The following AGAP1 variants were observed in gnomAD, a reference collection of about 807,000 sequenced individuals.
The protein encoded by AGAP1 is arf-GAP with GTPase, ANK repeat and PH domain-containing protein 1.
AGAP1 carries 29 observed loss-of-function variants against 105.3 expected under a neutral mutation model. The ratio of observed to expected loss-of-function variants is 0.28; its 90% CI spans 0.21 to 0.38. AGAP1 has a LOEUF of 0.38. AGAP1 is among the 10% of genes least tolerant of loss of function. AGAP1 has a pLI of 1.00. For synonymous variants in AGAP1, 509 were observed against 485.9 expected, an observed-to-expected ratio of 1.05 and a Z score of -0.63; for missense variants, 998 against 1,165.1, an observed-to-expected ratio of 0.86 and a Z score of 2.09.
At chr2:235,765,715 G>C (rs769573283) in intron 6 of AGAP1, among the ~76,000 whole-genome samples, 5 of 152,194 alleles carry the variant, frequency 3.3e-5, no homozygotes, top group Non-Finnish European at 7.3e-5. Flanking sequence ...CCATAGTTCA[G>C]AGTGAATCTT....
chr2:235,852,499 A>G (rs1397904130), intron 9 of AGAP1, among the ~76,000 whole-genome samples: 1 of 152,194 alleles, frequency 6.6e-6, no homozygotes, highest in Non-Finnish European at 1.5e-5. Flanking sequence ...TGCGAGTACA[A>G]ATTGAAGCAA....
chr2:235,649,752 T>C (rs757660485), intron 1 of AGAP1, among the ~76,000 whole-genome samples: 14 of 152,338 alleles, frequency 9.2e-5, no homozygotes, highest in Admixed American at 2.6e-4. Flanking sequence ...AGCACTACGC[T>C]GTAGGTTCTA....
rs1946814859 is a variant in AGAP1 at position 235,631,069 on chromosome 2, CT to C, written c.164-78109del. Among the ~76,000 whole-genome samples the C allele has an allele frequency of 6.6e-6, 1 of 152,190 alleles. No homozygotes were observed. The highest frequency in any genetic ancestry group is 1.5e-5 in the Non-Finnish European group (1 of 68,036). On this transcript the variant is annotated intron_variant, in intron 1 of 17. Coordinates refer to ENST00000304032, the MANE Select transcript of AGAP1 (RefSeq NM_001037131.3). The surrounding 1 kb of genome is among the most constrained non-coding windows in gnomAD (Gnocchi z 5.4). ...AAAATATTTTGACAGGGCCCACAGT[CT>C]AGCTCCTTCATATGCAAATGCACTG...
rs1951805909 is a variant in AGAP1 at position 235,729,126 on chromosome 2, TA to T, written c.310+11483del. On this transcript the variant is annotated intron_variant, in intron 3 of 17. Coordinates refer to ENST00000304032, the MANE Select transcript of AGAP1 (RefSeq NM_001037131.3). The surrounding 1 kb of genome is among the most constrained non-coding windows in gnomAD (Gnocchi z 5.0). The stretch of plus-strand genomic sequence containing the variant: ...TTGGAGGGGGACCTAAGAGGACAGA[TA>T]GGGGAATCCCCAGGCCACCTCTGGA... Among the ~76,000 whole-genome samples the T allele has an allele frequency of 6.6e-6, 1 of 152,108 alleles. No homozygotes were observed. Among genetic ancestry groups the T allele is most frequent in the Non-Finnish European group, 1.5e-5 (1 of 68,020 alleles).
At chr2:235,915,922 G>T (rs1028124638) in intron 11 of AGAP1, among the ~76,000 whole-genome samples, 3 of 152,026 alleles carry the variant, frequency 2.0e-5, no homozygotes, top group African/African-American at 7.2e-5. Context: ...AAAAATAGGA[G>T]AACAACAAGG....
chr2:235,943,495 G>C (rs1283747707), intron 12 of AGAP1, among the ~76,000 whole-genome samples: 2 of 150,596 alleles, frequency 1.3e-5, no homozygotes, highest in Admixed American at 6.6e-5. Flanking sequence ...GATTACAGCC[G>C]CATGCCACTA....
chr2:235,677,139 C>G (rs1424864193), intron 1 of AGAP1, among the ~76,000 whole-genome samples: 1 of 152,206 alleles, frequency 6.6e-6, no homozygotes, highest in Non-Finnish European at 1.5e-5. Context: ...AAGACATGAA[C>G]GTAGCTGCTC....
At chr2:235,632,250 A>G (rs1420853090) in intron 1 of AGAP1, among the ~76,000 whole-genome samples, 2 of 152,194 alleles carry the variant, frequency 1.3e-5, no homozygotes, top group Non-Finnish European at 2.9e-5. Context: ...ATCTCCCACC[A>G]CCAGAGCAGT....
rs756031929 is a variant in AGAP1 at position 236,105,762 on chromosome 2, T to A, written c.2115-14430T>A. ...GCGCCCGCCACCATGCCCGGCTGAT[T>A]TTGTTTTTGTATTTTTAGTAGAGAC... On this transcript the variant is annotated intron_variant, in intron 16 of 17. Coordinates refer to ENST00000304032, the MANE Select transcript of AGAP1 (RefSeq NM_001037131.3). This position sits in a 1 kb window ranked among gnomAD's most constrained non-coding sequence, Gnocchi z 4.2. Among the ~76,000 whole-genome samples, 1 of 151,720 alleles carries A rather than the reference T, an allele frequency of 6.6e-6. No homozygotes were observed. Among genetic ancestry groups the A allele is most frequent in the Non-Finnish European group, 1.5e-5 (1 of 67,894 alleles).
chr2:235,563,112 GTC>G (rs570189184), intron 1 of AGAP1, among the ~76,000 whole-genome samples: 99 of 152,288 alleles, frequency 6.5e-4, no homozygotes, highest in African/African-American at 2.3e-3. Context: ...GCTGTGGGGA[GTC>G]TGCAAACAGG....
Position 235,744,864 on chromosome 2 carries a change from GTTTT to G in AGAP1, c.538+26_538+29del, listed in dbSNP as rs1325668086. ...GGTGAGTGATGTTCGTGTGCAGATT[GTTTT>G]GAAAGGGTTCTAACAGTTACATATT... On this transcript the variant is annotated intron_variant, in intron 5 of 17. Coordinates refer to ENST00000304032, the MANE Select transcript of AGAP1 (RefSeq NM_001037131.3). This position sits in a 1 kb window ranked among gnomAD's most constrained non-coding sequence, Gnocchi z 5.2. The G allele has an allele frequency of 6.2e-7, 1 of 1,613,374 alleles. No individual in the cohort carries two copies. The highest frequency in any genetic ancestry group is 8.5e-7 in the Non-Finnish European group (1 of 1,179,564).
chr2:235,719,580 T>G lies in AGAP1; in HGVS notation c.310+1936T>G, dbSNP rs906507445. Among the ~76,000 whole-genome samples the G allele has an allele frequency of 1.3e-5, 2 of 152,230 alleles. No homozygotes were observed. Among genetic ancestry groups the G allele is most frequent in the Non-Finnish European group, 2.9e-5 (2 of 68,036 alleles). ...TGAAATTTCATAGTATTGTGTATGG[T>G]TTTTAAAAATACATTATTTTTAAGA... is the stretch of plus-strand genomic sequence containing the variant. On this transcript the variant is annotated intron_variant, in intron 3 of 17. Coordinates refer to ENST00000304032, the MANE Select transcript of AGAP1 (RefSeq NM_001037131.3). This position sits in a 1 kb window ranked among gnomAD's most constrained non-coding sequence, Gnocchi z 4.9.
chr2:235,882,609 G>T lies in AGAP1; in HGVS notation c.1051-736G>T, dbSNP rs1444904654. 4 of 418,246 alleles carry T rather than the reference G, an allele frequency of 9.6e-6. No individual in the cohort carries two copies. Among genetic ancestry groups the T allele is most frequent in the Non-Finnish European group, 1.8e-5 (4 of 223,592 alleles). The allele number at this position is 418,246 out of a possible 1,614,324, so 25.9% of individuals were successfully genotyped here. ...TCCCCGAGTAGCTGGGATTATAGGT[G>T]CCCACCACTGCGTCCAGCTAATTTT... is the stretch of plus-strand genomic sequence containing the variant. On this transcript the variant is annotated intron_variant, in intron 9 of 17. Transcript: ENST00000304032. This position sits in a 1 kb window ranked among gnomAD's most constrained non-coding sequence, Gnocchi z 4.6.
rs373824790 is a variant in AGAP1, at chr2:236,053,468, C to T, written c.2114+4187C>T. Among the ~76,000 whole-genome samples the T allele has an allele frequency of 7.2e-5, 11 of 152,332 alleles. No homozygotes were observed. The South Asian group carries it at 1.2e-3, about 17-fold the overall frequency. On this transcript the variant is annotated intron_variant, in intron 16 of 17. Transcript: ENST00000304032. This position sits in a 1 kb window ranked among gnomAD's most constrained non-coding sequence, Gnocchi z 4.6. ...GTACAGCAGTGTTTCCGGGGCTGCA[C>T]GGCAGCGCCCTGGCCCGTTGTTCTT... is the stretch of plus-strand genomic sequence containing the variant.
rs181139517 is a variant in AGAP1 at position 235,893,425 on chromosome 2, C to T, written c.1155+9976C>T. 5.1e-3 allele frequency among the ~76,000 whole-genome samples: 755 copies of T among 149,332 alleles called. 4 individuals carry two copies. Among genetic ancestry groups the T allele is most frequent in the Non-Finnish European group, 5.9e-3 (401 of 67,412 alleles). ...TAGCGTGTCTTTGGTGTGGGTGTGCCGTGTCCATCATAAGGAAGAGCTGTG... is the reference window on the plus strand; with the variant it reads ...TAGCGTGTCTTTGGTGTGGGTGTGCTGTGTCCATCATAAGGAAGAGCTGTG... On this transcript the variant is annotated intron_variant, in intron 10 of 17. Coordinates refer to ENST00000304032, the MANE Select transcript of AGAP1 (RefSeq NM_001037131.3). The surrounding 1 kb of genome is among the most constrained non-coding windows in gnomAD (Gnocchi z 4.7).
Position 235,777,274 on chromosome 2 carries a change from T to A in AGAP1, c.674-20485T>A, listed in dbSNP as rs1191157820. ...CTGAGGCAGGAGAATCACTTGAGCC[T>A]GGGAGGCGGAGGTTGCAGTGAGCCG... On this transcript the variant is annotated intron_variant, in intron 6 of 17. Coordinates refer to ENST00000304032, the MANE Select transcript of AGAP1 (RefSeq NM_001037131.3). The surrounding 1 kb of genome is among the most constrained non-coding windows in gnomAD (Gnocchi z 5.1). 6.6e-6 allele frequency among the ~76,000 whole-genome samples: 1 copy of A among 152,082 alleles called. No homozygotes were observed. The highest frequency in any genetic ancestry group is 1.5e-5 in the Non-Finnish European group (1 of 68,010).
intron 1 of AGAP1, among the ~76,000 whole-genome samples, chr2:235,558,306 G>C (rs1056496070): frequency 1.3e-5 from 2 of 152,156 alleles, no homozygotes; most frequent in Admixed American, 6.5e-5. Flanking sequence ...CATCACCTCT[G>C]TTGTCTGTCC....
At position 236,073,948 on chromosome 2, in the gene AGAP1, C is replaced by T. The variant is rs1435311470; in HGVS notation, c.2114+24667C>T. 6.6e-6 allele frequency among the ~76,000 whole-genome samples: 1 copy of T among 152,144 alleles called. No homozygotes were observed. Among genetic ancestry groups the T allele is most frequent in the Non-Finnish European group, 1.5e-5 (1 of 68,008 alleles). On this transcript the variant is annotated intron_variant, in intron 16 of 17. Transcript: ENST00000304032. This position sits in a 1 kb window ranked among gnomAD's most constrained non-coding sequence, Gnocchi z 5.4. ...CACATCCCAGCTCAAGAACCACCCTCTGGGTGCCAAGGTCTCCTCCAGGAG... is the reference window on the plus strand; with the variant it reads ...CACATCCCAGCTCAAGAACCACCCTTTGGGTGCCAAGGTCTCCTCCAGGAG...
rs894216057 is a variant in AGAP1 at position 235,720,964 on chromosome 2, T to A, written c.310+3320T>A. On this transcript the variant is annotated intron_variant, in intron 3 of 17. Transcript: ENST00000304032. The surrounding 1 kb of genome is among the most constrained non-coding windows in gnomAD (Gnocchi z 5.0). ...TGCATTTTGGTTGATATTTTATTCT[T>A]GTAGTGAAGAGAGCCAACTCACAAG... is the stretch of plus-strand genomic sequence containing the variant. 4.6e-5 allele frequency among the ~76,000 whole-genome samples: 7 copies of A among 152,214 alleles called. No homozygotes were observed. Among genetic ancestry groups the A allele is most frequent in the African/African-American group, 1.7e-4 (7 of 41,466 alleles).
Sources: gnomAD v4.1 joint callset for allele counts (sites outside exome capture counted in the v4.1 genomes callset) on GRCh38, gnomAD v4.1.1 for gene constraint, Gnocchi (gnomAD v3.1) non-coding constraint, MANE v1.5 for transcripts, NCBI Gene and HGNC (gene_info 2026-07-23, HGNC 2026-07-21) for gene names.